SLC23A2: variants seen among roughly 807,000 people sequenced by gnomAD.
SLC23A2 encodes the protein Na(+)/L-ascorbic acid transporter 2.
Under a neutral mutation model 73.3 loss-of-function variants are expected in SLC23A2, and 36 were observed. The ratio of observed to expected loss-of-function variants is 0.49; its 90% CI spans 0.38 to 0.65. The LOEUF is 0.65. SLC23A2 is among the 30% of genes least tolerant of loss of function. The pLI, the probability that SLC23A2 is intolerant of heterozygous loss-of-function variation, is 0.00. For synonymous variants in SLC23A2, 343 were observed against 327.3 expected (o/e 1.05, Z -0.52); for missense variants, 507 against 841.6 (o/e 0.60, Z 4.92).
In SLC23A2 at chr20:4,985,135, C is replaced by CAAA. The variant is rs1464396367; in HGVS notation, c.-281-14217_-281-14216insTTT. On this transcript the variant is annotated intron_variant, in intron 1 of 16. Coordinates refer to ENST00000338244, the MANE Select transcript of SLC23A2 (RefSeq NM_005116.6). Reference sequence around the variant, plus strand: ...CTGGTGACAGAGCAAGACTCCGTCTCCAAAAAAAAAAAAAAAAAAAGTTAA... The same window carrying CAAA: ...CTGGTGACAGAGCAAGACTCCGTCTCAAACAAAAAAAAAAAAAAAAAAAGTTAA... 0.012 allele frequency among the ~76,000 whole-genome samples: 770 copies of CAAA among 65,390 alleles called. 16 individuals carry two copies. The South Asian group carries it at 0.12, about 10-fold the overall frequency. 42.9% of individuals were successfully genotyped at this position (65,390 alleles called of 152,430 possible). A position where few individuals can be genotyped will look rare whatever the true frequency, so the allele number is the denominator to read the frequency against.
intron 1 of SLC23A2, among the ~76,000 whole-genome samples, chr20:4,981,501 T>A (rs1167737556): frequency 1.3e-5 from 2 of 152,184 alleles, no homozygotes; most frequent in African/African-American, 4.8e-5. Flanking sequence ...TGCATCCTGG[T>A]CTCATGGATG....
At chr20:4,984,178 G>A (rs1440133285) in intron 1 of SLC23A2, among the ~76,000 whole-genome samples, 1 of 152,166 alleles carries the variant, frequency 6.6e-6, no homozygotes, top group Non-Finnish European at 1.5e-5. Context: ...TGAGGCAGGA[G>A]TATCTCTTGG....
At chr20:4,881,491 G>A (rs1447909043) in intron 9 of SLC23A2, among the ~76,000 whole-genome samples, 3 of 152,112 alleles carry the variant, frequency 2.0e-5, no homozygotes, top group Non-Finnish European at 4.4e-5. Flanking sequence ...TTTGGGGGGA[G>A]GTAACAGTTT....
In SLC23A2 at chr20:4,856,937, C is replaced by G; in HGVS notation, c.*35G>C. On this transcript the variant is annotated 3_prime_UTR_variant, in exon 17 of 17. Transcript: ENST00000338244. This position sits in a 1 kb window ranked among gnomAD's most constrained non-coding sequence, Gnocchi z 4.6. ...CTCAGCAAGGAACTACAGATACATG[C>G]CTCACTGCGGCCAGGCCACAGGGCA... is the stretch of plus-strand genomic sequence containing the variant. 7.5e-7 allele frequency: 1 copy of G among 1,338,464 alleles called. No individual in the cohort carries two copies. Among genetic ancestry groups the G allele is most frequent in the East Asian group, 2.3e-5 (1 of 43,552 alleles). The allele number at this position is 1,338,464 out of a possible 1,614,324, so 82.9% of individuals were successfully genotyped here. A position where few individuals can be genotyped will look rare whatever the true frequency, so the allele number is the denominator to read the frequency against.
intron 2 of SLC23A2, among the ~76,000 whole-genome samples, chr20:4,934,245 C>G (rs2086923313): frequency 6.6e-6 from 1 of 152,160 alleles, no homozygotes; most frequent in African/African-American, 2.4e-5. Flanking sequence ...CAGGGGACAT[C>G]TGGCAATGTC....
intron 1 of SLC23A2, among the ~76,000 whole-genome samples, chr20:4,988,317 G>A (rs1266328068): frequency 2.0e-5 from 3 of 151,784 alleles, no homozygotes; most frequent in Admixed American, 1.3e-4. Context: ...ACAAAAAGTA[G>A]CTGACCGTGT....
At chr20:4,895,276 T>C (rs2122856093) in intron 6 of SLC23A2, among the ~76,000 whole-genome samples, 1 of 152,334 alleles carries the variant, frequency 6.6e-6, no homozygotes, top group East Asian at 1.9e-4. Flanking sequence ...TCTGCCATCC[T>C]TCCGGCAGTG....
chr20:4,865,998 A>G (rs1930180593), intron 13 of SLC23A2, among the ~76,000 whole-genome samples: 1 of 151,846 alleles, frequency 6.6e-6, no homozygotes, highest in Non-Finnish European at 1.5e-5. Context: ...AAGCCTGGCT[A>G]ATTTTTGTGT....
chr20:4,994,026 G>A (rs1341472224), intron 1 of SLC23A2, among the ~76,000 whole-genome samples: 6 of 152,198 alleles, frequency 3.9e-5, no homozygotes, highest in Non-Finnish European at 7.3e-5. Flanking sequence ...GGAGGCAGAA[G>A]CTGCAAGTGA....
At chr20:5,003,316 G>A (rs1406582977), upstream of SLC23A2, among the ~76,000 whole-genome samples, 5 of 151,980 alleles carry the variant, frequency 3.3e-5, no homozygotes, top group Admixed American at 1.3e-4. Context: ...CCCGGGAGGC[G>A]GAGCTTGCAG....
chr20:4,971,370 C>T (rs1421563447), intron 1 of SLC23A2, among the ~76,000 whole-genome samples: 1 of 151,764 alleles, frequency 6.6e-6, no homozygotes, highest in Non-Finnish European at 1.5e-5. Context: ...CCTGTGATCC[C>T]AGCTACTCAG....
At chr20:4,861,859 A>G in intron 15 of SLC23A2, 89 bp downstream of exon 15, 1 of 1,410,248 alleles carries the variant, frequency 7.1e-7, no homozygotes, top group South Asian at 1.3e-5. Flanking sequence ...CTGGAGGCCC[A>G]AAGTCCTCTC....
At chr20:4,975,949 G>C (rs2087638871) in intron 1 of SLC23A2, among the ~76,000 whole-genome samples, 1 of 150,840 alleles carries the variant, frequency 6.6e-6, no homozygotes, top group Non-Finnish European at 1.5e-5. Flanking sequence ...TTCCTCCCGG[G>C]TTCACGCCTT....
intron 6 of SLC23A2, among the ~76,000 whole-genome samples, chr20:4,898,021 C>T (rs1421601712): frequency 1.3e-5 from 2 of 152,212 alleles, no homozygotes; most frequent in African/African-American, 2.4e-5. Context: ...AAAGCTCTGC[C>T]GTGCACTCTG....
intron 1 of SLC23A2, among the ~76,000 whole-genome samples, chr20:4,979,630 T>A (rs1338048392): frequency 6.6e-6 from 1 of 152,178 alleles, no homozygotes; most frequent in African/African-American, 2.4e-5. Flanking sequence ...TTACTTTTCT[T>A]TTTAATTCAA....
intron 1 of SLC23A2, among the ~76,000 whole-genome samples, chr20:4,991,863 C>T (rs6053021): frequency 0.35 from 52,618 of 151,920 alleles, 9,831 homozygotes; most frequent in Admixed American, 0.41. Flanking sequence ...GACAAGTCTC[C>T]CCAAATTAAC....
At chr20:4,928,999 C>T (rs1418022908) in intron 3 of SLC23A2, among the ~76,000 whole-genome samples, 11 of 152,188 alleles carry the variant, frequency 7.2e-5, no homozygotes, top group Admixed American at 3.9e-4. Flanking sequence ...CGCCTGTAAT[C>T]CCAACACTTT....
At chr20:4,910,989 T>C (rs1932124435) in intron 4 of SLC23A2, among the ~76,000 whole-genome samples, 1 of 152,114 alleles carries the variant, frequency 6.6e-6, no homozygotes, top group Admixed American at 6.5e-5. Flanking sequence ...AGCCCCAAAG[T>C]GTTAATGCTC....
chr20:4,895,705 G>C (rs1339825754), intron 6 of SLC23A2, among the ~76,000 whole-genome samples: 2 of 152,156 alleles, frequency 1.3e-5, no homozygotes, highest in African/African-American at 4.8e-5. Flanking sequence ...TGATACCCAA[G>C]GGGTTAGAAT....
Sources: allele counts gnomAD v4.1 joint callset (sites outside exome capture counted in the v4.1 genomes callset), GRCh38; gene constraint gnomAD v4.1.1; non-coding constraint Gnocchi (gnomAD v3.1); transcripts MANE v1.5; gene names NCBI Gene and HGNC (gene_info 2026-07-23, HGNC 2026-07-21).